The following IPO8 variants were observed in gnomAD, a reference collection of about 807,000 sequenced individuals.
IPO8 encodes importin-8.
Under a neutral mutation model 141.2 loss-of-function variants are expected in IPO8, and 65 were observed. The observed-to-expected ratio is 0.46, with a 90% CI of 0.38 to 0.57. IPO8 has a LOEUF of 0.57. Ranked by LOEUF, IPO8 falls within the 20% of genes least tolerant of loss-of-function variation. The pLI is 0.00. For synonymous variants in IPO8, 411 were observed against 420.3 expected (o/e 0.98, Z 0.27); for missense variants, 980 against 1,246.8 (o/e 0.79, Z 3.22).
intron 13 of IPO8, 33 bp from the exon 14 acceptor site, chr12:30,663,687 T>G: frequency 6.6e-7 from 1 of 1,522,366 alleles, no homozygotes; most frequent in Non-Finnish European, 8.9e-7. Context: ...TAGGGAGCTA[T>G]TAGGATTATA....
intron 5 of IPO8, among the ~76,000 whole-genome samples, chr12:30,677,744 C>A (rs2053141263): frequency 6.6e-6 from 1 of 151,974 alleles, no homozygotes; most frequent in Admixed American, 6.5e-5. Context: ...AATATAAAAC[C>A]TTTTAAAATA....
chr12:30,674,117 C>T (rs1418120898), intron 7 of IPO8, 43 bp from the exon 8 acceptor site: 1 of 1,205,282 alleles, frequency 8.3e-7, no homozygotes, highest in Non-Finnish European at 1.2e-6. Flanking sequence ...GTGAATTTTA[C>T]AAACAGCATG....
chr12:30,631,228 T>C lies in IPO8; in HGVS notation c.3017-271A>G, dbSNP rs74583680. On this transcript the variant is annotated intron_variant, in intron 24 of 24. Coordinates refer to ENST00000256079, the MANE Select transcript of IPO8 (RefSeq NM_006390.4). ...GATTCTACTTCACTGTCTCTACTGC[T>C]GAAAGGGGGCCCAGACTTCTCATAT... 8.3e-3 allele frequency among the ~76,000 whole-genome samples: 1,256 copies of C among 152,214 alleles called. 16 individuals carry two copies. The highest frequency in any genetic ancestry group is 0.029 in the African/African-American group (1,209 of 41,520).
chr12:30,644,964 C>T (rs1449740150), intron 20 of IPO8, among the ~76,000 whole-genome samples: 1 of 151,850 alleles, frequency 6.6e-6, no homozygotes, highest in Non-Finnish European at 1.5e-5. Context: ...CAAAGATGAA[C>T]TTTGAAAATG....
At chr12:30,679,016 T>C (rs1392651460) in intron 5 of IPO8, among the ~76,000 whole-genome samples, 9 of 152,124 alleles carry the variant, frequency 5.9e-5, no homozygotes, top group Admixed American at 5.9e-4. Flanking sequence ...ATTTTTGTAT[T>C]TTTCTAGAGA....
In IPO8 at chr12:30,695,770, C is replaced by A; in HGVS notation, c.-123G>T. The A allele has an allele frequency of 1.2e-6, 1 of 812,580 alleles. No individual in the cohort carries two copies. The highest frequency in any genetic ancestry group is 1.9e-6 in the Non-Finnish European group (1 of 526,848). 50.3% of individuals were successfully genotyped at this position (812,580 alleles called of 1,614,324 possible). On this transcript the variant is annotated 5_prime_UTR_variant, in exon 1 of 25. Transcript: ENST00000256079. This position sits in a 1 kb window ranked among gnomAD's most constrained non-coding sequence, Gnocchi z 4.2. ...GATTACCTCACACCCCACCCCCCGC[C>A]ACCGTCGCCACCTGCGGCCACTTGC...
At chr12:30,666,358 C>T (rs2052965717) in intron 10 of IPO8, 107 bp from the exon 11 acceptor site, 3 of 652,716 alleles carry the variant, frequency 4.6e-6, no homozygotes, top group Non-Finnish European at 7.6e-6. Context: ...AAACCATCCA[C>T]ATATGACACT....
intron 20 of IPO8, among the ~76,000 whole-genome samples, chr12:30,646,751 T>C (rs1163548127): frequency 6.6e-6 from 1 of 152,114 alleles, no homozygotes; most frequent in Non-Finnish European, 1.5e-5. Flanking sequence ...TATATAAAAA[T>C]ATTTTAGGAA....
chr12:30,643,684 A>G (rs2052603501), intron 20 of IPO8, among the ~76,000 whole-genome samples: 1 of 152,214 alleles, frequency 6.6e-6, no homozygotes, highest in Non-Finnish European at 1.5e-5. Flanking sequence ...GTGGGAATGA[A>G]CTAGTTCCCA....
At chr12:30,688,366 G>T in intron 2 of IPO8, 1 of 413,380 alleles carries the variant, frequency 2.4e-6, no homozygotes, top group East Asian at 8.4e-5. Flanking sequence ...TCACCAGTGA[G>T]CACGCTTGAT....
Position 30,631,993 on chromosome 12 carries a change from G to T in IPO8, c.2918C>A (p.Ala973Glu). 1 of 1,612,126 alleles carries T rather than the reference G, an allele frequency of 6.2e-7. No homozygotes were observed. Among genetic ancestry groups the T allele is most frequent in the Non-Finnish European group, 8.5e-7 (1 of 1,179,574 alleles). Reference protein sequence around the residue: ...QALITVQSRDAAWYQLLMAPL... With the variant: ...QALITVQSRDEAWYQLLMAPL... ...TGCCATCAGCAGCTGGTACCAGGCTGCATCTCGACTCTGCACAGCTGTTGC... is the reference window on the plus strand; with the variant it reads ...TGCCATCAGCAGCTGGTACCAGGCTTCATCTCGACTCTGCACAGCTGTTGC... The change falls in exon 24 of 25, where the codon GCA (alanine) becomes GAA (glutamate). Residue 973 changes from alanine (A) to glutamate (E), a missense_variant. Ala to Glu is a moderately radical substitution (Grantham distance 107). Around this residue, in one of 3 missense-constraint regions of IPO8, gnomAD observed 924 missense variants for 1,153.9 expected, o/e 0.80. Transcript: ENST00000256079.
chr12:30,674,538 T>G (rs2053093006), intron 7 of IPO8, 121 bp downstream of exon 7: 4 of 739,118 alleles, frequency 5.4e-6, no homozygotes, highest in Non-Finnish European at 9.5e-6. Flanking sequence ...AAGCCAATGA[T>G]TAAAATTAAG....
At chr12:30,637,775 T>C (rs1046353377) in intron 21 of IPO8, among the ~76,000 whole-genome samples, 1 of 152,136 alleles carries the variant, frequency 6.6e-6, no homozygotes. Context: ...CCAGTAAACA[T>C]TAGACATTTT....
intron 5 of IPO8, chr12:30,676,896 C>T: frequency 6.6e-7 from 1 of 1,507,794 alleles, no homozygotes; most frequent in Non-Finnish European, 8.9e-7. Flanking sequence ...TATGACTTAC[C>T]CCTTTGAGGG....
intron 9 of IPO8, among the ~76,000 whole-genome samples, chr12:30,670,695 A>T (rs1439363345): frequency 5.3e-5 from 8 of 152,182 alleles, no homozygotes; most frequent in Admixed American, 5.2e-4. Context: ...ATGTGCCTTA[A>T]TAGAGGAGAA....
chr12:30,688,137 A>C (rs2053260173), intron 2 of IPO8, among the ~76,000 whole-genome samples: 1 of 152,194 alleles, frequency 6.6e-6, no homozygotes, highest in Admixed American at 6.5e-5. Flanking sequence ...AAAAATTAGA[A>C]ACAAAAGTGA....
intron 14 of IPO8, 75 bp downstream of exon 14, chr12:30,663,414 G>A (rs1179224239): frequency 1.6e-6 from 2 of 1,258,968 alleles, no homozygotes; most frequent in Non-Finnish European, 2.2e-6. Context: ...CCTCAGACAT[G>A]GAGATGCATC....
intron 9 of IPO8, among the ~76,000 whole-genome samples, chr12:30,670,572 A>T (rs1324791004): frequency 1.3e-5 from 2 of 152,238 alleles, no homozygotes; most frequent in Non-Finnish European, 2.9e-5. Context: ...ATCAGTCTTC[A>T]ATTCCTGCAA....
At chr12:30,632,313 T>C (rs1007828753) in intron 23 of IPO8, among the ~76,000 whole-genome samples, 1 of 152,190 alleles carries the variant, frequency 6.6e-6, no homozygotes, top group Non-Finnish European at 1.5e-5. Context: ...AGAACACCAG[T>C]ACTCACTTGT....
Sources: gnomAD v4.1 joint callset for allele counts (sites outside exome capture counted in the v4.1 genomes callset) on GRCh38, gnomAD v4.1.1 for gene constraint, gnomAD v4.1.1 regional missense constraint, Gnocchi (gnomAD v3.1) non-coding constraint, MANE v1.5 for transcripts, NCBI Gene and HGNC (gene_info 2026-07-23, HGNC 2026-07-21) for gene names.